SLC28A3: variants seen among roughly 807,000 people sequenced by gnomAD.
SLC28A3 encodes concentrative Na(+)-nucleoside cotransporter 3.
In SLC28A3, 68 loss-of-function variants were observed where a neutral mutation model predicts 84.2. The observed-to-expected ratio is 0.81, with a 90% CI of 0.66 to 0.99. The LOEUF (loss-of-function observed/expected upper bound fraction) is 0.99. Among genes scored for constraint, SLC28A3 ranks in the 50% least tolerant of loss-of-function variants. The pLI is 0.00. For missense variants in SLC28A3, 712 were observed against 841.5 expected (o/e 0.85, Z 1.90); for synonymous variants, 267 against 303.6 (o/e 0.88, Z 1.25).
chr9:84,312,974 T>A (rs763042377), intron 2 of SLC28A3, among the ~76,000 whole-genome samples: 1 of 152,222 alleles, frequency 6.6e-6, no homozygotes, highest in Non-Finnish European at 1.5e-5. Flanking sequence ...CGGACTGGTA[T>A]AAAGCTACTA....
chr9:84,288,627 C>G (rs753514729), intron 11 of SLC28A3, among the ~76,000 whole-genome samples: 90 of 151,934 alleles, frequency 5.9e-4, no homozygotes, highest in Non-Finnish European at 1.1e-3. Flanking sequence ...CTCCCTGCAA[C>G]CTCCGCCTCC....
intron 4 of SLC28A3, among the ~76,000 whole-genome samples, chr9:84,303,776 ACTC>A (rs1825706173): frequency 6.6e-6 from 1 of 151,226 alleles, no homozygotes; most frequent in Non-Finnish European, 1.5e-5. Flanking sequence ...AGGGCTGAAA[ACTC>A]CACCCTCAGG....
chr9:84,297,293 A>G lies in SLC28A3; in HGVS notation c.789T>C (p.Phe263=). The G allele has an allele frequency of 6.2e-7, 1 of 1,612,238 alleles. No individual in the cohort carries two copies. Among genetic ancestry groups the G allele is most frequent in the East Asian group, 2.2e-5 (1 of 44,872 alleles). The change falls in exon 8 of 18, where the codon TTT becomes TTC. Residue 263 remains phenylalanine (F), a synonymous_variant. Coordinates refer to ENST00000376238, the MANE Select transcript of SLC28A3 (RefSeq NM_001199633.2). The stretch of plus-strand genomic sequence containing the variant: ...AAGCACCAGCATCTGTGTACTCCAG[A>G]AAAGTCTGAGTTAAAGAAAGAAAAA... ...FDWLGRQVQT[F]LEYTDAGASF...
At chr9:84,279,108 TCGATGAGTGAGCGGAGATTG>T (rs1824633940) in intron 17 of SLC28A3, among the ~76,000 whole-genome samples, 137 bp downstream of exon 17, 2 of 148,744 alleles carry the variant, frequency 1.3e-5, no homozygotes, top group African/African-American at 5.0e-5. Flanking sequence ...TAAAATTAAG[TCGATGAGTGAGCGGAGATTG>T]CGCCACTGCA....
intron 14 of SLC28A3, among the ~76,000 whole-genome samples, chr9:84,281,391 A>G (rs1824741160): frequency 6.6e-6 from 1 of 152,252 alleles, no homozygotes; most frequent in Non-Finnish European, 1.5e-5. Flanking sequence ...AAAAAAGTAC[A>G]TGAAAAGATG....
At position 84,334,288 on chromosome 9, in the gene SLC28A3, G is replaced by C. The variant is rs372797059; in HGVS notation, c.60+6286C>G. On this transcript the variant is annotated intron_variant, in intron 1 of 17. Transcript: ENST00000376238. ...CACTCTAGCCTGGGCAACAGAGCGAGACTCTGTCTCAAAAAAACAAAAAAA... is the reference window on the plus strand; with the variant it reads ...CACTCTAGCCTGGGCAACAGAGCGACACTCTGTCTCAAAAAAACAAAAAAA... Among the ~76,000 whole-genome samples, 3 of 152,144 alleles carry C rather than the reference G, an allele frequency of 2.0e-5. 1 individual carries two copies. The highest frequency in any genetic ancestry group is 1.3e-4 in the Admixed American group (2 of 15,280).
chr9:84,322,814 G>C (rs1826421092), intron 1 of SLC28A3, among the ~76,000 whole-genome samples: 1 of 151,774 alleles, frequency 6.6e-6, no homozygotes, highest in South Asian at 2.1e-4. Flanking sequence ...CTCCAGCCTG[G>C]GCAACAGAGT....
At chr9:84,362,202 G>A in the SLC28A3 span, among the ~76,000 whole-genome samples, 2 of 152,182 alleles carry the variant, frequency 1.3e-5, no homozygotes, top group African/African-American at 4.8e-5. Context: ...GGCTGATAAT[G>A]AGGCAGAGAC....
At chr9:84,332,606 A>G (rs892744501) in intron 1 of SLC28A3, among the ~76,000 whole-genome samples, 5 of 152,240 alleles carry the variant, frequency 3.3e-5, no homozygotes, top group African/African-American at 4.8e-5. Flanking sequence ...GCCTCTGGAA[A>G]GAACAACTGG....
intron 5 of SLC28A3, among the ~76,000 whole-genome samples, chr9:84,300,960 T>G (rs141666382): frequency 4.1e-4 from 63 of 152,204 alleles, no homozygotes; most frequent in Non-Finnish European, 7.5e-4. Flanking sequence ...GGACAGCATA[T>G]TCTGATGTTA....
intron 8 of SLC28A3, among the ~76,000 whole-genome samples, chr9:84,295,550 T>A (rs905571714): frequency 6.6e-6 from 1 of 152,176 alleles, no homozygotes; most frequent in Non-Finnish European, 1.5e-5. Context: ...GCCATTGCAC[T>A]CCAGCCTGGA....
At chr9:84,366,343 T>C in the SLC28A3 span, among the ~76,000 whole-genome samples, 1 of 152,178 alleles carries the variant, frequency 6.6e-6, no homozygotes, top group African/African-American at 2.4e-5. Context: ...TTTTGATTTT[T>C]CTGTCTGAAA....
Position 84,290,002 on chromosome 9 carries a change from C to T in SLC28A3, c.1149+152G>A. The T allele has an allele frequency of 5.3e-6, 5 of 947,642 alleles. No homozygotes were observed. In the South Asian group the frequency reaches 1.0e-4, roughly 20 times the overall value. The allele number at this position is 947,642 out of a possible 1,614,324, so 58.7% of individuals were successfully genotyped here. On this transcript the variant is annotated intron_variant, in intron 11 of 17. Coordinates refer to ENST00000376238, the MANE Select transcript of SLC28A3 (RefSeq NM_001199633.2). ...TGAAACTCCTTGGGATCCCTATGTT[C>T]AAATGCCAAAGCAACTGTGACCAAC...
chr9:84,363,208 G>A, the SLC28A3 span, among the ~76,000 whole-genome samples: 1 of 152,166 alleles, frequency 6.6e-6, no homozygotes, highest in Non-Finnish European at 1.5e-5. Context: ...AGGGTCCCTA[G>A]GACTAATCTG....
chr9:84,336,741 G>A (rs1166186581), intron 1 of SLC28A3, among the ~76,000 whole-genome samples: 2 of 152,122 alleles, frequency 1.3e-5, no homozygotes, highest in South Asian at 2.1e-4. Context: ...CTTAGCACAC[G>A]CAGAGGCCAC....
intron 14 of SLC28A3, 117 bp downstream of exon 14, chr9:84,285,228 T>C: frequency 1.0e-6 from 1 of 971,542 alleles, no homozygotes; most frequent in South Asian, 1.6e-5. Context: ...TAGGTTGTTT[T>C]GCTCTCTAAT....
intron 14 of SLC28A3, among the ~76,000 whole-genome samples, chr9:84,281,951 C>T (rs1191150264): frequency 6.6e-6 from 1 of 151,824 alleles, no homozygotes; most frequent in Non-Finnish European, 1.5e-5. Context: ...CATGGTGAAA[C>T]ACTGCCTCTA....
intron 1 of SLC28A3, 118 bp downstream of exon 1, chr9:84,340,456 G>A (rs894810484): frequency 2.8e-5 from 31 of 1,094,866 alleles, no homozygotes; most frequent in African/African-American, 2.8e-4. Flanking sequence ...AAAGTGTGCC[G>A]TTAAAAATCG....
Position 84,297,299 on chromosome 9 carries a change from C to A in SLC28A3, c.784-1G>T, listed in dbSNP as rs766972902. 6.2e-7 allele frequency: 1 copy of A among 1,610,452 alleles called. No homozygotes were observed. The highest frequency in any genetic ancestry group is 8.5e-7 in the Non-Finnish European group (1 of 1,178,834). On this transcript the variant is annotated splice_acceptor_variant, in intron 7 of 17. Transcript: ENST00000376238. LOFTEE classifies it high-confidence loss of function. The stretch of plus-strand genomic sequence containing the variant: ...CAGCATCTGTGTACTCCAGAAAAGT[C>A]TGAGTTAAAGAAAGAAAAAGAGATT...
Sources: gnomAD v4.1 joint callset for allele counts (sites outside exome capture counted in the v4.1 genomes callset) on GRCh38, gnomAD v4.1.1 for gene constraint, MANE v1.5 for transcripts, NCBI Gene and HGNC (gene_info 2026-07-23, HGNC 2026-07-21) for gene names.